The following RNF146 variants were observed in gnomAD, a reference collection of about 807,000 sequenced individuals.
RNF146 encodes E3 ubiquitin-protein ligase RNF146.
A neutral mutation model predicts 29.7 loss-of-function variants in RNF146; 11 were observed. That is an observed-to-expected ratio of 0.37 (90% confidence interval 0.23 to 0.61). RNF146 has a LOEUF of 0.61. RNF146 is among the 20% of genes least tolerant of loss of function. The pLI, the probability that RNF146 is intolerant of heterozygous loss-of-function variation, is 0.66. For synonymous variants in RNF146, 150 were observed against 159.7 expected (o/e 0.94, Z 0.46); for missense variants, 342 against 438.9 (o/e 0.78, Z 1.97).
chr6:127,287,668 G>GACAGTGC lies in RNF146; in HGVS notation c.1061_1067dup (p.Thr357HisfsTer4). The GACAGTGC allele has an allele frequency of 6.3e-7, 1 of 1,597,742 alleles. No individual in the cohort carries two copies. The highest frequency in any genetic ancestry group is 8.5e-7 in the Non-Finnish European group (1 of 1,169,998). On this transcript the variant is annotated frameshift_variant, in exon 3 of 3. Coordinates refer to ENST00000368314, the MANE Select transcript of RNF146 (RefSeq NM_001242850.2). LOFTEE classifies it high-confidence loss of function. ...AGTGTCAGATCTAGAAGGCCTGATG[G>GACAGTGC]ACAGTGCACAGTAACTGAAGTTTAA...
intron 1 of RNF146, among the ~76,000 whole-genome samples, chr6:127,271,065 C>T (rs550316769): frequency 7.9e-5 from 12 of 152,308 alleles, no homozygotes; most frequent in Non-Finnish European, 1.6e-4. Context: ...CTTCCTGCCT[C>T]AGCTTCCCAA....
intron 1 of RNF146, among the ~76,000 whole-genome samples, chr6:127,274,041 G>T (rs980708729): frequency 3.3e-5 from 5 of 151,720 alleles, no homozygotes; most frequent in Admixed American, 3.3e-4. Flanking sequence ...TCCTGGGTTT[G>T]TGTGTGTGTG....
In RNF146 at chr6:127,285,380, A is replaced by C. The variant is rs1474052930; in HGVS notation, c.3-1236A>C. 8.2e-6 allele frequency: 8 copies of C among 977,790 alleles called. No individual in the cohort carries two copies. In the East Asian group the frequency reaches 8.0e-4, roughly 98 times the overall value. The allele number at this position is 977,790 out of a possible 1,614,324, so 60.6% of individuals were successfully genotyped here. A position where few individuals can be genotyped will look rare whatever the true frequency, so the allele number is the denominator to read the frequency against. On this transcript the variant is annotated intron_variant, in intron 2 of 2. Coordinates refer to ENST00000368314, the MANE Select transcript of RNF146 (RefSeq NM_001242850.2). The stretch of plus-strand genomic sequence containing the variant: ...ATTCTTGTTGACTATATCTTTTGTA[A>C]CTACTGACCCATTTAGAATGGCAGA...
At position 127,286,412 on chromosome 6, in the gene RNF146, C is replaced by A; in HGVS notation, c.3-204C>A. 1 of 660,080 alleles carries A rather than the reference C, an allele frequency of 1.5e-6. No homozygotes were observed. 40.9% of individuals were successfully genotyped at this position (660,080 alleles called of 1,614,324 possible). A position where few individuals can be genotyped will look rare whatever the true frequency, so the allele number is the denominator to read the frequency against. ...TGCACTGATGGAATTTTTATACATT[C>A]CCAAGGTATGTACAAGTAGATGCTT... On this transcript the variant is annotated intron_variant, in intron 2 of 2. Coordinates refer to ENST00000368314, the MANE Select transcript of RNF146 (RefSeq NM_001242850.2). The surrounding 1 kb of genome is among the most constrained non-coding windows in gnomAD (Gnocchi z 4.6).
chr6:127,286,494 A>G lies in RNF146; in HGVS notation c.3-122A>G, dbSNP rs1388226318. On this transcript the variant is annotated intron_variant, in intron 2 of 2. Transcript: ENST00000368314. The surrounding 1 kb of genome is among the most constrained non-coding windows in gnomAD (Gnocchi z 4.6). Reference sequence around the variant, plus strand: ...CCTCTACTTTCATCTTCATATCCCCATTGTCTAGTATGTGGCTTGCATATA... The same window carrying G: ...CCTCTACTTTCATCTTCATATCCCCGTTGTCTAGTATGTGGCTTGCATATA... The G allele has an allele frequency of 1.1e-6, 1 of 941,658 alleles. No homozygotes were observed. The highest frequency in any genetic ancestry group is 3.0e-5 in the Admixed American group (1 of 33,782). 58.3% of individuals were successfully genotyped at this position (941,658 alleles called of 1,614,324 possible).
intron 1 of RNF146, among the ~76,000 whole-genome samples, chr6:127,273,021 C>T (rs1777711587): frequency 6.6e-6 from 1 of 152,052 alleles, no homozygotes; most frequent in Non-Finnish European, 1.5e-5. Flanking sequence ...CAGCTGCAGA[C>T]CCATCTAGGG....
chr6:127,286,041 C>T lies in RNF146; in HGVS notation c.3-575C>T. 8.1e-7 allele frequency: 1 copy of T among 1,227,608 alleles called. No homozygotes were observed. Among genetic ancestry groups the T allele is most frequent in the Non-Finnish European group, 1.0e-6 (1 of 984,960 alleles). The allele number at this position is 1,227,608 out of a possible 1,614,324, so 76.0% of individuals were successfully genotyped here. A position where few individuals can be genotyped will look rare whatever the true frequency, so the allele number is the denominator to read the frequency against. On this transcript the variant is annotated intron_variant, in intron 2 of 2. Transcript: ENST00000368314. The surrounding 1 kb of genome is among the most constrained non-coding windows in gnomAD (Gnocchi z 4.6). ...AATTTGACAAATCTTTTTTCTTCTT[C>T]CTCTTCAGGGGATCTTCAATATTCA...
chr6:127,286,967 T>G lies in RNF146; in HGVS notation c.354T>G (p.Asp118Glu). 6.2e-7 allele frequency: 1 copy of G among 1,613,434 alleles called. No individual in the cohort carries two copies. Among genetic ancestry groups the G allele is most frequent in the African/African-American group, 1.3e-5 (1 of 74,956 alleles). The change falls in exon 3 of 3, where the codon GAT becomes GAG. Residue 118 changes from aspartate to glutamate, a missense_variant. Around this residue, in one of 6 missense-constraint regions of RNF146, gnomAD observed 50 missense variants for 54.9 expected, o/e 0.91. Transcript: ENST00000368314. This position sits in a 1 kb window ranked among gnomAD's most constrained non-coding sequence, Gnocchi z 4.6. ...GAAGAAATGGGTGGTGGCAGTACGA[T>G]GAGCGCACTAGTAGAGAGCTGGAAG... The part of the protein sequence containing the change: ...YEGRNGWWQY[D>E]ERTSRELEDA...
chr6:127,276,237 T>C (rs1220619909), intron 1 of RNF146, among the ~76,000 whole-genome samples: 1 of 151,990 alleles, frequency 6.6e-6, no homozygotes, highest in African/African-American at 2.4e-5. Context: ...TGACACAAGA[T>C]AATCAGGCTG....
chr6:127,286,015 C>A lies in RNF146; in HGVS notation c.3-601C>A. ...TGTCAGTGTTTAAGCTAGATACATC[C>A]AATTTGACAAATCTTTTTTCTTCTT... On this transcript the variant is annotated intron_variant, in intron 2 of 2. Transcript: ENST00000368314. This position sits in a 1 kb window ranked among gnomAD's most constrained non-coding sequence, Gnocchi z 4.6. 4.9e-6 allele frequency: 6 copies of A among 1,222,028 alleles called. No individual in the cohort carries two copies. Among genetic ancestry groups the A allele is most frequent in the South Asian group, 4.2e-5 (1 of 23,852 alleles). 75.7% of individuals were successfully genotyped at this position (1,222,028 alleles called of 1,614,324 possible).
chr6:127,271,068 C>T (rs1417418987), intron 1 of RNF146, among the ~76,000 whole-genome samples: 1 of 152,178 alleles, frequency 6.6e-6, no homozygotes, highest in Non-Finnish European at 1.5e-5. Context: ...CCTGCCTCAG[C>T]TTCCCAAAGT....
chr6:127,274,126 A>C (rs1022425597), intron 1 of RNF146, among the ~76,000 whole-genome samples: 1 of 152,154 alleles, frequency 6.6e-6, no homozygotes, highest in Non-Finnish European at 1.5e-5. Flanking sequence ...TTAGTCTTCA[A>C]ATAAGGAAAG....
chr6:127,277,771 C>T (rs933722074), intron 1 of RNF146, among the ~76,000 whole-genome samples: 3 of 152,152 alleles, frequency 2.0e-5, no homozygotes, highest in African/African-American at 7.2e-5. Flanking sequence ...AGCCCACTGA[C>T]TCAAATGTTA....
chr6:127,279,947 T>C (rs564317423), intron 1 of RNF146, among the ~76,000 whole-genome samples: 1 of 151,948 alleles, frequency 6.6e-6, no homozygotes, highest in Admixed American at 6.6e-5. Flanking sequence ...CCTGCAACTT[T>C]GCTGAATTTG....
At chr6:127,272,638 T>C (rs982231550) in intron 1 of RNF146, among the ~76,000 whole-genome samples, 1 of 152,160 alleles carries the variant, frequency 6.6e-6, no homozygotes, top group Admixed American at 6.6e-5. Context: ...AAGAAGAACC[T>C]GGTTGTGTTG....
chr6:127,281,867 A>T (rs372517715), intron 2 of RNF146, among the ~76,000 whole-genome samples: 1 of 151,684 alleles, frequency 6.6e-6, no homozygotes, highest in African/African-American at 2.4e-5. Context: ...GCAGTACCCC[A>T]TATTGAGCCA....
At chr6:127,271,910 A>G (rs1777553174) in intron 1 of RNF146, among the ~76,000 whole-genome samples, 2 of 152,146 alleles carry the variant, frequency 1.3e-5, no homozygotes, top group African/African-American at 2.4e-5. Flanking sequence ...ACTACCCACA[A>G]AGTGCTAGGA....
At chr6:127,266,817 T>C (rs1159465517), upstream of RNF146, 1 of 150,684 alleles carries the variant, frequency 6.6e-6, no homozygotes, top group African/African-American at 2.4e-5. Flanking sequence ...CGGCCCCTCC[T>C]CCGCGACGCG....
intron 2 of RNF146, among the ~76,000 whole-genome samples, chr6:127,284,085 CTT>C (rs1240966191): frequency 2.6e-5 from 4 of 151,484 alleles, no homozygotes; most frequent in Admixed American, 6.6e-5. Flanking sequence ...AGGTTGGAAA[CTT>C]TTTTTTCTGT....
Sources: gnomAD v4.1 joint callset for allele counts (sites outside exome capture counted in the v4.1 genomes callset) on GRCh38, gnomAD v4.1.1 for gene constraint, gnomAD v4.1.1 regional missense constraint, Gnocchi (gnomAD v3.1) non-coding constraint, MANE v1.5 for transcripts, NCBI Gene and HGNC (gene_info 2026-07-23, HGNC 2026-07-21) for gene names.